RFNG: variants seen among roughly 807,000 people sequenced by gnomAD.
RFNG encodes the protein RFNG O-fucosylpeptide 3-beta-N-acetylglucosaminyltransferase.
A neutral mutation model predicts 29.6 loss-of-function variants in RFNG; 37 were observed. The observed-to-expected ratio is 1.25, with a 90% CI of 0.96 to 1.65. The LOEUF (loss-of-function observed/expected upper bound fraction) is 1.65. RFNG is among the 40% of genes most tolerant of loss of function. The pLI, the probability that RFNG is intolerant of heterozygous loss-of-function variation, is 0.00. For missense variants in RFNG, 546 were observed against 457.0 expected, an observed-to-expected ratio of 1.19 and a Z score of -1.78; for synonymous variants, 276 against 197.3, an observed-to-expected ratio of 1.40 and a Z score of -3.34.
chr17:82,048,761 G>A lies in RFNG; in HGVS notation c.961C>T (p.Pro321Ser). 1.9e-6 allele frequency: 3 copies of A among 1,613,340 alleles called. No homozygotes were observed. Among genetic ancestry groups the A allele is most frequent in the Non-Finnish European group, 2.5e-6 (3 of 1,179,840 alleles). Residue 321 changes from proline (P) to serine (S), a missense_variant, in exon 8 of 8, where the codon CCC becomes TCC. Physicochemically the swap from Pro to Ser is moderately conservative, Grantham distance 74. Coordinates refer to ENST00000310496, the MANE Select transcript of RFNG (RefSeq NM_002917.2). ...GTCGGGGCGCCCTGTTTCTGCCTGGGACACCAGTCCGTGTCTGGGTACAGA... is the reference window on the plus strand; with the variant it reads ...GTCGGGGCGCCCTGTTTCTGCCTGGAACACCAGTCCGTGTCTGGGTACAGA... ...CLLYPDTDWC[P>S]RQKQGAPTSR
At chr17:82,050,598 T>A (rs772803975) in intron 3 of RFNG, 43 bp from the exon 4 acceptor site, 1 of 1,608,312 alleles carries the variant, frequency 6.2e-7, no homozygotes, top group African/African-American at 1.3e-5. Context: ...CTGGCATGGC[T>A]GGACAGGAGG....
intron 7 of RFNG, 48 bp downstream of exon 7, chr17:82,048,983 C>G: frequency 6.3e-7 from 1 of 1,576,968 alleles, no homozygotes; most frequent in Non-Finnish European, 8.6e-7. Flanking sequence ...GAGCTGATGC[C>G]AGAGCCCCTG....
chr17:82,049,936 T>C lies in RFNG; in HGVS notation c.644A>G (p.Lys215Arg). 3.1e-6 allele frequency: 5 copies of C among 1,612,476 alleles called. No individual in the cohort carries two copies. The highest frequency in any genetic ancestry group is 4.2e-6 in the Non-Finnish European group (5 of 1,179,736). Residue 215 changes from lysine to arginine, a missense_variant, in exon 5 of 8, where the codon AAG (lysine) becomes AGG (arginine). By Grantham distance (26) the Lys-to-Arg change is conservative. Transcript: ENST00000310496. Reference sequence around the variant, plus strand: ...CACTCACCTGGCCCATGGGCTCATCTTGAGGGCAAGGCCTCTGCTGAGGCA... The same window carrying C: ...CACTCACCTGGCCCATGGGCTCATCCTGAGGGCAAGGCCTCTGCTGAGGCA... ...GFCLSRGLALKMSPWASLGSF... is the reference protein window; with the variant it reads ...GFCLSRGLALRMSPWASLGSF...
In RFNG at chr17:82,051,368, T is replaced by C. The variant is rs764706021; in HGVS notation, c.268-26A>G. ...CTGGGGGAGAAACAATCTATGAGGCTTCTGGGGCGCTGCCCAGGCCGGAGA... is the reference window on the plus strand; with the variant it reads ...CTGGGGGAGAAACAATCTATGAGGCCTCTGGGGCGCTGCCCAGGCCGGAGA... On this transcript the variant is annotated intron_variant, in intron 1 of 7. Coordinates refer to ENST00000310496, the MANE Select transcript of RFNG (RefSeq NM_002917.2). This position sits in a 1 kb window ranked among gnomAD's most constrained non-coding sequence, Gnocchi z 4.1. 2 of 1,456,364 alleles carry C rather than the reference T, an allele frequency of 1.4e-6. No homozygotes were observed. The highest frequency in any genetic ancestry group is 1.6e-5 in the South Asian group (1 of 63,868). 90.2% of individuals were successfully genotyped at this position (1,456,364 alleles called of 1,614,324 possible).
chr17:82,050,048 T>A, intron 4 of RFNG, 42 bp from the exon 5 acceptor site: 1 of 1,511,214 alleles, frequency 6.6e-7, no homozygotes, highest in Non-Finnish European at 9.1e-7. Context: ...GGACAGGGCT[T>A]CTCACCCCTG....
At chr17:82,050,224 G>C in intron 4 of RFNG, 178 bp downstream of exon 4, 1 of 841,428 alleles carries the variant, frequency 1.2e-6, no homozygotes, top group Non-Finnish European at 1.8e-6. Flanking sequence ...TCTCTGCCCA[G>C]TACGGTGAGG....
In RFNG at chr17:82,048,649, C is replaced by T. The variant is rs1347454744; in HGVS notation, c.*77G>A. 27 of 1,171,644 alleles carry T rather than the reference C, an allele frequency of 2.3e-5. No homozygotes were observed. The highest frequency in any genetic ancestry group is 3.0e-5 in the Non-Finnish European group (24 of 791,176). The allele number at this position is 1,171,644 out of a possible 1,614,324, so 72.6% of individuals were successfully genotyped here. A position where few individuals can be genotyped will look rare whatever the true frequency, so the allele number is the denominator to read the frequency against. On this transcript the variant is annotated 3_prime_UTR_variant, in exon 8 of 8. Coordinates refer to ENST00000310496, the MANE Select transcript of RFNG (RefSeq NM_002917.2). The stretch of plus-strand genomic sequence containing the variant: ...GGTGTGGCCGTGGCACCTGAGGGAG[C>T]CCACTGAGCCCATAGGGGGCTCTGG...
chr17:82,049,564 G>A (rs1286071421), intron 6 of RFNG, 113 bp downstream of exon 6: 2 of 1,295,142 alleles, frequency 1.5e-6, no homozygotes, highest in East Asian at 2.5e-5. Context: ...CCAGCCACAT[G>A]CAAATCCCAC....
At chr17:82,050,367 G>A (rs1239440077) in intron 4 of RFNG, 35 bp downstream of exon 4, 2 of 1,529,862 alleles carry the variant, frequency 1.3e-6, no homozygotes, top group East Asian at 2.3e-5. Flanking sequence ...GTCAAGGAAG[G>A]CGTCTGCTCC....
chr17:82,050,042 A>G (rs1230810212), intron 4 of RFNG, 36 bp from the exon 5 acceptor site: 10 of 1,536,316 alleles, frequency 6.5e-6, no homozygotes, highest in African/African-American at 1.4e-5. Flanking sequence ...TGCCCAGGAC[A>G]GGGCTTCTCA....
Position 82,049,959 on chromosome 17 carries a change from G to A in RFNG, c.621C>T (p.Cys207=), listed in dbSNP as rs938577591. 1.2e-6 allele frequency: 2 copies of A among 1,612,398 alleles called. No homozygotes were observed. The highest frequency in any genetic ancestry group is 2.2e-5 in the East Asian group (1 of 44,880). Residue 207 remains cysteine (C), a synonymous_variant, in exon 5 of 8, where the codon TGC becomes TGT. Transcript: ENST00000310496. ...FWFATGGAGF[C]LSRGLALKMS... ...TCTTGAGGGCAAGGCCTCTGCTGAG[G>A]CAGAACCCGGCCCCACCAGTAGCAA... is the stretch of plus-strand genomic sequence containing the variant.
chr17:82,051,680 C>T lies in RFNG; in HGVS notation c.87G>A (p.Leu29=), dbSNP rs1371093379. The part of the protein sequence containing the change: ...LAALLLLPLP[L]PRAPAPARTP... ...TCCGGGCCGGGGCGGGCGCGCGGGG[C>T]AGCGGCAGCGGCAGTAACAGCAGCG... Residue 29 remains leucine (L), a synonymous_variant, in exon 1 of 8, where the codon CTG becomes CTA. Coordinates refer to ENST00000310496, the MANE Select transcript of RFNG (RefSeq NM_002917.2). The surrounding 1 kb of genome is among the most constrained non-coding windows in gnomAD (Gnocchi z 4.1). 1.0e-6 allele frequency: 1 copy of T among 1,000,750 alleles called. No individual in the cohort carries two copies. Among genetic ancestry groups the T allele is most frequent in the Non-Finnish European group, 1.2e-6 (1 of 841,772 alleles). The allele number at this position is 1,000,750 out of a possible 1,614,324, so 62.0% of individuals were successfully genotyped here. A position where few individuals can be genotyped will look rare whatever the true frequency, so the allele number is the denominator to read the frequency against.
chr17:82,049,853 G>A lies in RFNG; in HGVS notation c.663-11C>T, dbSNP rs765059450. Reference sequence around the variant, plus strand: ...ATGAAGCTGCCCAGGCTGGGGGGAGGCCGGTCAGCACCTTTCAGGTCTCAG... The same window carrying A: ...ATGAAGCTGCCCAGGCTGGGGGGAGACCGGTCAGCACCTTTCAGGTCTCAG... On this transcript the variant is annotated splice_polypyrimidine_tract_variant and intron_variant, in intron 5 of 7. Coordinates refer to ENST00000310496, the MANE Select transcript of RFNG (RefSeq NM_002917.2). 1.0e-5 allele frequency: 16 copies of A among 1,605,496 alleles called. No individual in the cohort carries two copies. In the East Asian group the frequency reaches 1.3e-4, roughly 13 times the overall value.
chr17:82,049,348 C>T (rs945446987), intron 6 of RFNG: 21 of 699,180 alleles, frequency 3.0e-5, no homozygotes, highest in Middle Eastern at 2.3e-4. Context: ...GCAAAGCTGA[C>T]CCTCATTCCC....
At position 82,051,242 on chromosome 17, in the gene RFNG, G is replaced by C; in HGVS notation, c.316+52C>G. ...CGAAGGGGCCGTGGCTTCGGAGCGA[G>C]AAAGGCTCGGGGGGCAGATCCCGCG... On this transcript the variant is annotated intron_variant, in intron 2 of 7. Coordinates refer to ENST00000310496, the MANE Select transcript of RFNG (RefSeq NM_002917.2). This position sits in a 1 kb window ranked among gnomAD's most constrained non-coding sequence, Gnocchi z 4.1. 7.5e-7 allele frequency: 1 copy of C among 1,330,484 alleles called. No homozygotes were observed. Among genetic ancestry groups the C allele is most frequent in the Non-Finnish European group, 9.6e-7 (1 of 1,036,916 alleles). The allele number at this position is 1,330,484 out of a possible 1,614,324, so 82.4% of individuals were successfully genotyped here. A position where few individuals can be genotyped will look rare whatever the true frequency, so the allele number is the denominator to read the frequency against.
chr17:82,050,424 T>TC lies in RFNG; in HGVS notation c.550dup (p.Glu184GlyfsTer47). 1 of 1,599,760 alleles carries TC rather than the reference T, an allele frequency of 6.3e-7. No homozygotes were observed. The highest frequency in any genetic ancestry group is 1.1e-5 in the South Asian group (1 of 90,496). ...CACAGTTCTGCCACCCTGGACCCTC[T>TC]CGGTGGCCTCAATGGGGTGGTCCAG... On this transcript the variant is annotated frameshift_variant, in exon 4 of 8. Transcript: ENST00000310496. LOFTEE classifies it high-confidence loss of function.
At position 82,050,520 on chromosome 17, in the gene RFNG, T is replaced by A; in HGVS notation, c.455A>T (p.Asn152Ile). ...FCHVDDDNYV[N>I]ARSLLHLLSS... ...GAGCAGGTGCAGGAGGCTCCTGGCG[T>A]TCACATAATTGTCATCATCCACGTG... Residue 152 changes from asparagine (N) to isoleucine (I), a missense_variant, in exon 4 of 8, where the codon AAC (asparagine) becomes ATC (isoleucine). Coordinates refer to ENST00000310496, the MANE Select transcript of RFNG (RefSeq NM_002917.2). 6.2e-7 allele frequency: 1 copy of A among 1,612,700 alleles called. No individual in the cohort carries two copies.
At position 82,048,096 on chromosome 17, in the gene RFNG, C is replaced by T. The variant is rs544994943; in HGVS notation, c.*630G>A. On this transcript the variant is annotated 3_prime_UTR_variant, in exon 8 of 8. Transcript: ENST00000310496. ...AGGCACAGTGGGGCAGGAGCACGAC[C>T]CAGAAAGTAGTCCTGAGCCACAAGT... The T allele has an allele frequency of 6.5e-6, 1 of 152,790 alleles. No individual in the cohort carries two copies. Among genetic ancestry groups the T allele is most frequent in the Non-Finnish European group, 1.5e-5 (1 of 68,510 alleles). The allele number at this position is 152,790 out of a possible 1,614,324, so 9.5% of individuals were successfully genotyped here. A position where few individuals can be genotyped will look rare whatever the true frequency, so the allele number is the denominator to read the frequency against.
At chr17:82,049,008 T>G (rs887984927) in intron 7 of RFNG, 23 bp downstream of exon 7, 1 of 1,607,624 alleles carries the variant, frequency 6.2e-7, no homozygotes. Context: ...GCCGAGGGCC[T>G]GCCCATGCCA....
Sources: gnomAD v4.1 joint callset for allele counts on GRCh38, gnomAD v4.1.1 for gene constraint, Gnocchi (gnomAD v3.1) non-coding constraint, MANE v1.5 for transcripts, NCBI Gene and HGNC (gene_info 2026-07-23, HGNC 2026-07-21) for gene names.